SEC24A: variants seen among roughly 807,000 people sequenced by gnomAD.
The protein encoded by SEC24A is protein transport protein Sec24A.
In SEC24A, 93 loss-of-function variants were observed where a neutral mutation model predicts 129.4. That is an observed-to-expected ratio of 0.72 (90% CI 0.61 to 0.85). The LOEUF (loss-of-function observed/expected upper bound fraction) is 0.85. SEC24A is among the 40% of genes least tolerant of loss of function. The pLI is 0.00. For missense variants in SEC24A, 1,264 were observed against 1,307.4 expected, an observed-to-expected ratio of 0.97 and a Z score of 0.51; for synonymous variants, 460 against 467.3, an observed-to-expected ratio of 0.98 and a Z score of 0.20.
At chr5:134,693,375 T>G in intron 12 of SEC24A, 1 of 1,360,342 alleles carries the variant, frequency 7.4e-7, no homozygotes, top group Non-Finnish European at 9.5e-7. Context: ...GCTTTGGAAC[T>G]TACAAGAATA....
intron 9 of SEC24A, among the ~76,000 whole-genome samples, chr5:134,683,537 A>G (rs1484621059): frequency 6.6e-6 from 1 of 152,054 alleles, no homozygotes; most frequent in Non-Finnish European, 1.5e-5. Flanking sequence ...TTTAGAGAGG[A>G]GGGTCTTACT....
Position 134,725,825 on chromosome 5 carries a change from A to T in SEC24A, c.*731A>T, listed in dbSNP as rs1752745767. The T allele has an allele frequency of 1.3e-5, 2 of 152,546 alleles. No homozygotes were observed. The highest frequency in any genetic ancestry group is 4.1e-4 in the South Asian group (2 of 4,834). The allele number at this position is 152,546 out of a possible 1,614,324, so 9.4% of individuals were successfully genotyped here. ...ACTGTCTTAATCTATAGTGAAAAGA[A>T]TTTGAGCTGTCTTCATAAACACTGG... is the stretch of plus-strand genomic sequence containing the variant. On this transcript the variant is annotated 3_prime_UTR_variant, in exon 23 of 23. Transcript: ENST00000398844.
In SEC24A at chr5:134,691,585, C is replaced by T. The variant is rs191556646; in HGVS notation, c.1724-1017C>T. 1.4e-3 allele frequency among the ~76,000 whole-genome samples: 215 copies of T among 151,186 alleles called. 1 individual carries two copies. The highest frequency in any genetic ancestry group is 4.1e-3 in the African/African-American group (169 of 41,164). Reference sequence around the variant, plus strand: ...TGGCACTATCTCGGCTCACTGCAACCTCCGCCTCCCGGGTTCAAGTGATTC... The same window carrying T: ...TGGCACTATCTCGGCTCACTGCAACTTCCGCCTCCCGGGTTCAAGTGATTC... On this transcript the variant is annotated intron_variant, in intron 11 of 22. Transcript: ENST00000398844.
intron 15 of SEC24A, among the ~76,000 whole-genome samples, 168 bp downstream of exon 15, chr5:134,698,225 T>C (rs756675681): frequency 6.6e-6 from 1 of 152,150 alleles, no homozygotes; most frequent in Admixed American, 6.6e-5. Context: ...AGGGGGCCTA[T>C]TGAGAATATA....
intron 22 of SEC24A, among the ~76,000 whole-genome samples, chr5:134,724,009 TATACA>T (rs1037122700): frequency 5.3e-5 from 8 of 152,342 alleles, no homozygotes; most frequent in South Asian, 4.1e-4. Context: ...TATTTTAAAA[TATACA>T]ATACATCATT....
At chr5:134,665,631 A>T (rs1295688816) in intron 2 of SEC24A, among the ~76,000 whole-genome samples, 1 of 151,808 alleles carries the variant, frequency 6.6e-6, no homozygotes, top group Admixed American at 6.6e-5. Context: ...ATCTCAGCTC[A>T]TTGCAACCTC....
chr5:134,712,926 A>ATTTTTTTT (rs754704811), intron 18 of SEC24A, among the ~76,000 whole-genome samples: 2 of 102,740 alleles, frequency 1.9e-5, no homozygotes, highest in Admixed American at 1.1e-4. Context: ...AAATATTTAA[A>ATTTTTTTT]TTTTTTTTTT....
Position 134,688,136 on chromosome 5 carries a change from A to G in SEC24A, c.1605-45A>G, listed in dbSNP as rs144202317. ...TAGGACATATTTTATGTGTATTTGT[A>G]TGTGGTTAAAACTTGATAAAATACT... On this transcript the variant is annotated intron_variant, in intron 10 of 22. Transcript: ENST00000398844. 5.7e-4 allele frequency: 582 copies of G among 1,019,078 alleles called. 7 individuals are homozygous for G. In the East Asian group the frequency reaches 0.013, roughly 24 times the overall value. 63.1% of individuals were successfully genotyped at this position (1,019,078 alleles called of 1,614,324 possible). A position where few individuals can be genotyped will look rare whatever the true frequency, so the allele number is the denominator to read the frequency against.
intron 18 of SEC24A, among the ~76,000 whole-genome samples, chr5:134,713,991 G>A (rs114005920): frequency 0.05 from 7,542 of 151,622 alleles, 397 homozygotes; most frequent in South Asian, 0.23. Context: ...GCAGTGAGCA[G>A]AGATCAAACC....
At chr5:134,653,238 C>G (rs939296995) in intron 1 of SEC24A, among the ~76,000 whole-genome samples, 1 of 151,778 alleles carries the variant, frequency 6.6e-6, no homozygotes, top group African/African-American at 2.4e-5. Context: ...CATACCCGTT[C>G]CAGTTTCGTT....
rs1752611657 is a variant in SEC24A at position 134,720,982 on chromosome 5, T to A, written c.2971-16T>A. 2.7e-6 allele frequency: 4 copies of A among 1,508,236 alleles called. No homozygotes were observed. In the South Asian group the frequency reaches 3.4e-5, roughly 13 times the overall value. 93.4% of individuals were successfully genotyped at this position (1,508,236 alleles called of 1,614,324 possible). A position where few individuals can be genotyped will look rare whatever the true frequency, so the allele number is the denominator to read the frequency against. On this transcript the variant is annotated splice_polypyrimidine_tract_variant and intron_variant, in intron 20 of 22. Transcript: ENST00000398844. Reference sequence around the variant, plus strand: ...ATGTATGCTGCATCTCAAAATAATTTTATTCCTGTCCCTAGGTACTGATGC... The same window carrying A: ...ATGTATGCTGCATCTCAAAATAATTATATTCCTGTCCCTAGGTACTGATGC...
intron 3 of SEC24A, among the ~76,000 whole-genome samples, chr5:134,670,211 G>A (rs541235108): frequency 3.3e-5 from 5 of 152,268 alleles, no homozygotes; most frequent in East Asian, 1.9e-4. Context: ...AGGTGTAAGC[G>A]TCCACGCCTT....
intron 15 of SEC24A, among the ~76,000 whole-genome samples, chr5:134,703,412 C>T (rs553043050): frequency 2.6e-5 from 4 of 152,162 alleles, no homozygotes; most frequent in South Asian, 2.1e-4. Context: ...GGATTGCAGG[C>T]GCCTGCCACC....
intron 17 of SEC24A, among the ~76,000 whole-genome samples, chr5:134,707,114 G>T (rs184266787): frequency 6.6e-6 from 1 of 152,244 alleles, no homozygotes; most frequent in Admixed American, 6.5e-5. Flanking sequence ...TGAGATTACA[G>T]CTGTGAGTCA....
chr5:134,694,122 A>G (rs1290154542), intron 13 of SEC24A, among the ~76,000 whole-genome samples, 189 bp downstream of exon 13: 1 of 152,178 alleles, frequency 6.6e-6, no homozygotes, highest in Non-Finnish European at 1.5e-5. Flanking sequence ...CTTAATTTTT[A>G]GTATCTTTAG....
Position 134,648,923 on chromosome 5 carries a change from G to C in SEC24A, c.-154G>C. 1 of 563,026 alleles carries C rather than the reference G, an allele frequency of 1.8e-6. No homozygotes were observed. Among genetic ancestry groups the C allele is most frequent in the Admixed American group, 3.5e-5 (1 of 28,794 alleles). The allele number at this position is 563,026 out of a possible 1,614,324, so 34.9% of individuals were successfully genotyped here. A position where few individuals can be genotyped will look rare whatever the true frequency, so the allele number is the denominator to read the frequency against. ...GCCGCCGGTGGCCTGGGGAGAGTGC[G>C]GCGCCATGCCTCGGGCTTAATGCGC... On this transcript the variant is annotated 5_prime_UTR_variant, in exon 1 of 23. Coordinates refer to ENST00000398844, the MANE Select transcript of SEC24A (RefSeq NM_021982.3).
Position 134,703,750 on chromosome 5 carries a change from C to T in SEC24A, c.2267-9C>T. 6.3e-7 allele frequency: 1 copy of T among 1,585,178 alleles called. No homozygotes were observed. ...ATAAAAATAATTTTGTTACCTTTTT[C>T]TCTTCTAGGTCTTTCCATTCATACT... On this transcript the variant is annotated splice_polypyrimidine_tract_variant and intron_variant, in intron 15 of 22. Coordinates refer to ENST00000398844, the MANE Select transcript of SEC24A (RefSeq NM_021982.3).
At chr5:134,682,506 G>A (rs771828917) in intron 9 of SEC24A, 24 bp downstream of exon 9, 23 of 1,185,020 alleles carry the variant, frequency 1.9e-5, no homozygotes, top group Non-Finnish European at 2.7e-5. Context: ...TTTTGATACA[G>A]TATACCCATT....
intron 1 of SEC24A, among the ~76,000 whole-genome samples, chr5:134,651,351 A>G (rs1750042031): frequency 6.7e-6 from 1 of 149,934 alleles, no homozygotes; most frequent in African/African-American, 2.4e-5. Flanking sequence ...CTGGAGTACA[A>G]TGGCTCGATC....
Sources: allele counts gnomAD v4.1 joint callset (sites outside exome capture counted in the v4.1 genomes callset), GRCh38; gene constraint gnomAD v4.1.1; transcripts MANE v1.5; gene names NCBI Gene and HGNC (gene_info 2026-07-23, HGNC 2026-07-21).